The following RGS6 variants were observed in gnomAD, a reference collection of about 807,000 sequenced individuals.
The protein encoded by RGS6 is regulator of G protein signaling 6.
A neutral mutation model predicts 78.5 loss-of-function variants in RGS6; 30 were observed. That is an observed-to-expected ratio of 0.38 (90% CI 0.29 to 0.52). The LOEUF (loss-of-function observed/expected upper bound fraction) is 0.52. RGS6 is among the 20% of genes least tolerant of loss of function. RGS6 has a pLI of 0.85. For synonymous variants in RGS6, 206 were observed against 206.0 expected (o/e 1.00, Z 0.00); for missense variants, 495 against 609.7 (o/e 0.81, Z 1.98).
At chr14:72,527,823 C>A (rs1184916674) in intron 15 of RGS6, among the ~76,000 whole-genome samples, 1 of 152,188 alleles carries the variant, frequency 6.6e-6, no homozygotes, top group African/African-American at 2.4e-5. Context: ...CTTCAAGAGA[C>A]TACATGGGAC....
chr14:72,078,824 A>G (rs899519167), intron 2 of RGS6, among the ~76,000 whole-genome samples: 2 of 151,846 alleles, frequency 1.3e-5, no homozygotes, highest in African/African-American at 2.4e-5. Context: ...AACTTTATCT[A>G]CCCATCACGG....
chr14:72,505,569 C>T (rs543572448), intron 13 of RGS6, among the ~76,000 whole-genome samples: 2 of 152,308 alleles, frequency 1.3e-5, no homozygotes, highest in South Asian at 2.1e-4. Context: ...TTGAAGATAG[C>T]TTGTATATTC....
the RGS6 span, among the ~76,000 whole-genome samples, chr14:71,918,184 C>CAAAAAAAAAAAAAAAAAAA: frequency 3.0e-5 from 1 of 33,692 alleles, no homozygotes. Flanking sequence ...ACTCCAGTCT[C>CAAAAAAAAAAAAAAAAAAA]AAAAAAAAAA....
chr14:72,094,174 G>A (rs1330936872), intron 2 of RGS6, among the ~76,000 whole-genome samples: 1 of 152,170 alleles, frequency 6.6e-6, no homozygotes, highest in Non-Finnish European at 1.5e-5. Flanking sequence ...TCGAACAATG[G>A]AAGCAATGTA....
At chr14:71,871,535 A>G in the RGS6 span, among the ~76,000 whole-genome samples, 1 of 152,076 alleles carries the variant, frequency 6.6e-6, no homozygotes, top group East Asian at 1.9e-4. Flanking sequence ...TAATTCCCAA[A>G]AAGCTGACTC....
chr14:72,123,774 A>G (rs908885825), intron 2 of RGS6, among the ~76,000 whole-genome samples: 4 of 152,220 alleles, frequency 2.6e-5, no homozygotes, highest in African/African-American at 9.6e-5. Context: ...GGAAAGCAAG[A>G]GTGGTATATC....
intron 3 of RGS6, among the ~76,000 whole-genome samples, chr14:72,409,884 C>T (rs1250227747): frequency 6.6e-6 from 1 of 152,116 alleles, no homozygotes; most frequent in Non-Finnish European, 1.5e-5. Flanking sequence ...CCCTACAAAG[C>T]ACATGAACTC....
chr14:72,370,150 T>TAA (rs11432261), intron 3 of RGS6, among the ~76,000 whole-genome samples: 21,919 of 146,734 alleles, frequency 0.15, 1,980 homozygotes, highest in African/African-American at 0.25. Flanking sequence ...CAAAATCTGG[T>TAA]AAAAAAAAAA....
intron 2 of RGS6, among the ~76,000 whole-genome samples, chr14:72,274,295 G>A (rs1595133245): frequency 1.3e-5 from 2 of 152,282 alleles, no homozygotes; most frequent in South Asian, 2.1e-4. Flanking sequence ...TATTAGGTCT[G>A]GTGGGATTGG....
chr14:72,282,811 A>C (rs765344061), intron 2 of RGS6, among the ~76,000 whole-genome samples: 3 of 152,132 alleles, frequency 2.0e-5, no homozygotes, highest in Non-Finnish European at 4.4e-5. Context: ...TTCTTAACAA[A>C]TTTTTTAAGC....
intron 3 of RGS6, among the ~76,000 whole-genome samples, chr14:72,369,489 A>G (rs1412172246): frequency 6.6e-6 from 1 of 152,230 alleles, no homozygotes; most frequent in Non-Finnish European, 1.5e-5. Context: ...GCAGCCATAG[A>G]AAACTAATAC....
intron 14 of RGS6, among the ~76,000 whole-genome samples, chr14:72,513,323 A>C (rs2096901516): frequency 6.6e-6 from 1 of 152,156 alleles, no homozygotes; most frequent in East Asian, 1.9e-4. Context: ...TTCTATGATG[A>C]TGTAATAGAA....
chr14:72,613,014 G>C, the RGS6 span, among the ~76,000 whole-genome samples: 863 of 151,860 alleles, frequency 5.7e-3, 9 homozygotes, highest in African/African-American at 0.02. Context: ...GTGTGTGTGT[G>C]TGTGTGTGTG....
At chr14:72,447,252 T>G (rs1365212718) in intron 3 of RGS6, among the ~76,000 whole-genome samples, 1 of 152,118 alleles carries the variant, frequency 6.6e-6, no homozygotes, top group African/African-American at 2.4e-5. Context: ...TGAATTACAG[T>G]GGGGTGAGGG....
intron 2 of RGS6, among the ~76,000 whole-genome samples, chr14:71,997,442 A>C (rs1362581783): frequency 1.3e-5 from 2 of 152,238 alleles, no homozygotes; most frequent in African/African-American, 4.8e-5. Context: ...GCCTAGAAGG[A>C]CATAGATAAA....
At chr14:72,354,109 A>C (rs776106305) in intron 3 of RGS6, among the ~76,000 whole-genome samples, 3 of 152,190 alleles carry the variant, frequency 2.0e-5, no homozygotes, top group Non-Finnish European at 4.4e-5. Context: ...ATCCCAGCTC[A>C]TTATTGAGAC....
chr14:71,933,527 G>A lies in RGS6; in HGVS notation c.-21+586G>A, dbSNP rs369276456. 5.3e-5 allele frequency among the ~76,000 whole-genome samples: 8 copies of A among 152,306 alleles called. No homozygotes were observed. In the South Asian group the frequency reaches 1.2e-3, roughly 24 times the overall value. On this transcript the variant is annotated intron_variant, in intron 1 of 17. Coordinates refer to ENST00000553525, the MANE Select transcript of RGS6 (RefSeq NM_001204424.2). ...TGGTTGCGTGAGGAGTGAAGAGACC[G>A]TGTTTACAGTCACCAGCAGGCTGCG... is the stretch of plus-strand genomic sequence containing the variant.
chr14:72,245,196 T>C (rs2053921223), intron 2 of RGS6, among the ~76,000 whole-genome samples: 1 of 152,256 alleles, frequency 6.6e-6, no homozygotes, highest in East Asian at 1.9e-4. Context: ...GTTTGTTGAA[T>C]GCCAGTTTTA....
intron 2 of RGS6, among the ~76,000 whole-genome samples, chr14:72,289,059 T>C (rs898962172): frequency 4.6e-5 from 7 of 152,210 alleles, no homozygotes; most frequent in Non-Finnish European, 1.0e-4. Flanking sequence ...ACAACATGTC[T>C]ACAATAAACT....
Sources: allele counts gnomAD v4.1 joint callset (sites outside exome capture counted in the v4.1 genomes callset), GRCh38; gene constraint gnomAD v4.1.1; transcripts MANE v1.5; gene names NCBI Gene and HGNC (gene_info 2026-07-23, HGNC 2026-07-21).